Variants in ZPBP observed in about 807,000 individuals in gnomAD.
ZPBP encodes zona pellucida-binding protein 1.
In ZPBP, 26 loss-of-function variants were observed where a neutral mutation model predicts 44.8. That is an observed-to-expected ratio of 0.58 (90% confidence interval 0.43 to 0.81). ZPBP has a LOEUF of 0.81. ZPBP is among the 30% of genes least tolerant of loss of function. ZPBP has a pLI of 0.00. For missense variants in ZPBP, 409 were observed against 434.0 expected (o/e 0.94, Z 0.51); for synonymous variants, 174 against 153.2 (o/e 1.14, Z -1.00).
At chr7:50,037,362 T>A (rs1374646784) in intron 4 of ZPBP, among the ~76,000 whole-genome samples, 1 of 152,198 alleles carries the variant, frequency 6.6e-6, no homozygotes, top group African/African-American at 2.4e-5. Context: ...AGTGTAATAG[T>A]CCGTTCTCAC....
chr7:49,967,192 T>G (rs545905200), intron 7 of ZPBP, among the ~76,000 whole-genome samples: 1 of 152,302 alleles, frequency 6.6e-6, no homozygotes, highest in African/African-American at 2.4e-5. Context: ...GGGCAGAGAA[T>G]AAAGCCACAG....
chr7:49,863,130 T>C (rs1790726999), intron 2 of ZPBP, among the ~76,000 whole-genome samples: 1 of 152,264 alleles, frequency 6.6e-6, no homozygotes, highest in South Asian at 2.1e-4. Flanking sequence ...GGATTACTGA[T>C]TCAATATCTT....
At chr7:49,983,818 CTT>C (rs1797133303) in intron 6 of ZPBP, among the ~76,000 whole-genome samples, 4 of 151,966 alleles carry the variant, frequency 2.6e-5, no homozygotes, top group African/African-American at 9.6e-5. Flanking sequence ...CAAGAAAGCT[CTT>C]TGAAATTGAT....
chr7:49,965,154 C>A (rs971683932), intron 7 of ZPBP, among the ~76,000 whole-genome samples: 10 of 152,060 alleles, frequency 6.6e-5, no homozygotes, highest in African/African-American at 2.4e-4. Flanking sequence ...TGCTTCCAAA[C>A]AACTTACCAA....
chr7:50,012,680 C>T (rs1026226929), intron 6 of ZPBP, among the ~76,000 whole-genome samples: 24 of 147,512 alleles, frequency 1.6e-4, no homozygotes, highest in Non-Finnish European at 3.6e-4. Flanking sequence ...TCTATGAAAA[C>T]CTAGAGTTTG....
intron 6 of ZPBP, among the ~76,000 whole-genome samples, chr7:50,010,994 A>G (rs1318043684): frequency 6.6e-6 from 1 of 151,950 alleles, no homozygotes; most frequent in Non-Finnish European, 1.5e-5. Context: ...CCAAAACAGC[A>G]TAGTACTGTA....
At chr7:49,962,119 C>G (rs1309896735) in intron 7 of ZPBP, among the ~76,000 whole-genome samples, 2 of 151,602 alleles carry the variant, frequency 1.3e-5, no homozygotes, top group Non-Finnish European at 3.0e-5. Flanking sequence ...TAAGAAAAGG[C>G]AAGAAGAGGA....
chr7:49,870,218 G>C (rs1053205254), intron 2 of ZPBP, among the ~76,000 whole-genome samples: 1 of 152,170 alleles, frequency 6.6e-6, no homozygotes, highest in Non-Finnish European at 1.5e-5. Flanking sequence ...GGCTAAGACA[G>C]TGAAACTCCG....
intron 2 of ZPBP, among the ~76,000 whole-genome samples, chr7:49,877,449 A>AG (rs1189373565): frequency 8.4e-6 from 1 of 118,792 alleles, no homozygotes; most frequent in Non-Finnish European, 1.8e-5. Context: ...GCAACAAGTA[A>AG]GAAACTCTGT....
intron 7 of ZPBP, among the ~76,000 whole-genome samples, chr7:49,948,145 T>C (rs1795181999): frequency 6.6e-6 from 1 of 152,184 alleles, no homozygotes; most frequent in Non-Finnish European, 1.5e-5. Flanking sequence ...CCAGGAGCGA[T>C]GGCCTGGAAC....
downstream of ZPBP, among the ~76,000 whole-genome samples, chr7:49,933,340 G>C (rs995469022): frequency 5.4e-4 from 82 of 152,106 alleles, no homozygotes; most frequent in African/African-American, 2.0e-3. Context: ...AATTAATACT[G>C]TATCAATTAG....
chr7:50,062,164 G>T (rs757572712), intron 3 of ZPBP, among the ~76,000 whole-genome samples: 17 of 152,204 alleles, frequency 1.1e-4, no homozygotes, highest in Non-Finnish European at 1.2e-4. Flanking sequence ...ACTGCTTAAA[G>T]AAATCACAGA....
intron 6 of ZPBP, among the ~76,000 whole-genome samples, chr7:49,995,956 G>A (rs1584006137): frequency 6.6e-6 from 1 of 152,186 alleles, no homozygotes; most frequent in Admixed American, 6.5e-5. Flanking sequence ...AACGTTCCAT[G>A]GCAAAGTAGG....
At chr7:49,983,195 A>G in intron 7 of ZPBP, 147 bp downstream of exon 7, 2 of 759,626 alleles carry the variant, frequency 2.6e-6, no homozygotes, top group Non-Finnish European at 4.1e-6. Flanking sequence ...ACATCTTTAG[A>G]TTCACTTTTC....
rs1397475988 is a variant in ZPBP at position 50,077,291 on chromosome 7, A to AACTATTATAAAC, written c.334+4471_334+4482dup. ...TTAAATCTAATACCTCAAACTCTGA[A>AACTATTATAAAC]ACTATTATAAACATTGGGGAAAATC... On this transcript the variant is annotated intron_variant, in intron 3 of 7. Coordinates refer to ENST00000046087, the MANE Select transcript of ZPBP (RefSeq NM_007009.3). 2.0e-5 allele frequency among the ~76,000 whole-genome samples: 3 copies of AACTATTATAAAC among 151,988 alleles called. No homozygotes were observed. In the East Asian group the frequency reaches 5.8e-4, roughly 29 times the overall value.
intron 6 of ZPBP, among the ~76,000 whole-genome samples, chr7:50,002,161 C>A (rs1798127848): frequency 6.6e-6 from 1 of 152,092 alleles, no homozygotes; most frequent in South Asian, 2.1e-4. Context: ...GGGGGCCTCA[C>A]AATCATGGTG....
intron 4 of ZPBP, among the ~76,000 whole-genome samples, chr7:50,045,144 G>A (rs924494560): frequency 4.6e-5 from 7 of 152,084 alleles, no homozygotes; most frequent in Admixed American, 1.3e-4. Flanking sequence ...TTGATGGAAC[G>A]TATCTCAAAA....
chr7:49,872,793 G>C (rs967059821), intron 2 of ZPBP, among the ~76,000 whole-genome samples: 9 of 149,158 alleles, frequency 6.0e-5, no homozygotes, highest in African/African-American at 2.2e-4. Context: ...GCACACACCT[G>C]TAATCCCAGC....
At chr7:49,887,629 T>G (rs1158878147) in intron 2 of ZPBP, among the ~76,000 whole-genome samples, 1 of 152,212 alleles carries the variant, frequency 6.6e-6, no homozygotes, top group Non-Finnish European at 1.5e-5. Context: ...TGTACAGGAT[T>G]CAACACAACT....
Sources: gnomAD v4.1 joint callset for allele counts (sites outside exome capture counted in the v4.1 genomes callset) on GRCh38, gnomAD v4.1.1 for gene constraint, MANE v1.5 for transcripts, NCBI Gene and HGNC (gene_info 2026-07-23, HGNC 2026-07-21) for gene names.